Variants in ATP6V1C1 observed in about 807,000 individuals in gnomAD.
ATP6V1C1 encodes the protein V-type proton ATPase subunit C 1.
Under a neutral mutation model 53.9 loss-of-function variants are expected in ATP6V1C1, and 45 were observed. The observed-to-expected ratio is 0.83, with a 90% CI of 0.66 to 1.07. The LOEUF (loss-of-function observed/expected upper bound fraction) is 1.07, where lower values mean the gene tolerates loss of function less well. Ranked by LOEUF, ATP6V1C1 falls within the 50% of genes least tolerant of loss-of-function variation. The pLI, the probability that ATP6V1C1 is intolerant of heterozygous loss-of-function variation, is 0.00. For missense variants in ATP6V1C1, 315 were observed against 440.3 expected, an observed-to-expected ratio of 0.72 and a Z score of 2.55; for synonymous variants, 153 against 155.2, an observed-to-expected ratio of 0.99 and a Z score of 0.11.
intron 1 of ATP6V1C1, among the ~76,000 whole-genome samples, chr8:103,029,320 G>T (rs948456143): frequency 6.6e-6 from 1 of 151,106 alleles, no homozygotes; most frequent in Non-Finnish European, 1.5e-5. Context: ...ACCCAGGCTG[G>T]AGTGAGAGGC....
intron 1 of ATP6V1C1, among the ~76,000 whole-genome samples, chr8:103,038,394 C>A (rs1369137873): frequency 6.6e-6 from 1 of 152,112 alleles, no homozygotes; most frequent in Non-Finnish European, 1.5e-5. Flanking sequence ...GTCACAAGGC[C>A]AGCTCCACCT....
intron 1 of ATP6V1C1, among the ~76,000 whole-genome samples, chr8:103,032,718 T>A (rs981653246): frequency 3.3e-5 from 5 of 152,188 alleles, no homozygotes; most frequent in African/African-American, 1.2e-4. Flanking sequence ...CCTCAAGTGA[T>A]CCACCTGCCT....
intron 4 of ATP6V1C1, among the ~76,000 whole-genome samples, chr8:103,050,710 T>C (rs1403347170): frequency 1.4e-5 from 2 of 139,920 alleles, no homozygotes; most frequent in Non-Finnish European, 3.2e-5. Context: ...TTTATGAAAT[T>C]CTACTTATTG....
intron 10 of ATP6V1C1, among the ~76,000 whole-genome samples, chr8:103,063,828 T>A (rs1393028432): frequency 6.6e-6 from 1 of 152,162 alleles, no homozygotes; most frequent in Non-Finnish European, 1.5e-5. Flanking sequence ...GGAAACATAA[T>A]GAGTGAAAAT....
chr8:103,040,780 A>T lies in ATP6V1C1; in HGVS notation c.-39-18A>T. 8.3e-6 allele frequency: 13 copies of T among 1,560,816 alleles called. No homozygotes were observed. In the Admixed American group the frequency reaches 1.2e-4, roughly 14 times the overall value. ...AATGATTTTAAATGTGATTTTTTTTATTTGTTTTACATTTCAGAATCTCTC... is the reference window on the plus strand; with the variant it reads ...AATGATTTTAAATGTGATTTTTTTTTTTTGTTTTACATTTCAGAATCTCTC... On this transcript the variant is annotated intron_variant, in intron 1 of 12. Transcript: ENST00000518738.
At chr8:103,025,413 G>C (rs1442189282) in intron 1 of ATP6V1C1, among the ~76,000 whole-genome samples, 1 of 152,192 alleles carries the variant, frequency 6.6e-6, no homozygotes, top group Non-Finnish European at 1.5e-5. Flanking sequence ...CATGCATGTG[G>C]TGTCAGTTTA....
intron 1 of ATP6V1C1, among the ~76,000 whole-genome samples, chr8:103,026,519 G>C (rs113933406): frequency 2.0e-5 from 3 of 152,282 alleles, no homozygotes; most frequent in African/African-American, 7.2e-5. Context: ...ATTTAAGAAA[G>C]GCGGGGCTGG....
At chr8:103,048,310 A>G (rs1817141152) in intron 3 of ATP6V1C1, among the ~76,000 whole-genome samples, 1 of 152,188 alleles carries the variant, frequency 6.6e-6, no homozygotes. Flanking sequence ...CACCAACCTA[A>G]TAGTTTTGGC....
rs538853733 is a variant in ATP6V1C1, at chr8:103,062,302, C to T, written c.642-653C>T. Among the ~76,000 whole-genome samples, 7 of 150,826 alleles carry T rather than the reference C, an allele frequency of 4.6e-5. No homozygotes were observed. In the South Asian group the frequency reaches 1.5e-3, roughly 32 times the overall value. ...CCTCCCACCTCAGCCTCCCGAGTAG[C>T]TAGGACTACAGGCATGCACCATCAC... On this transcript the variant is annotated intron_variant, in intron 8 of 12. Coordinates refer to ENST00000518738, the MANE Select transcript of ATP6V1C1 (RefSeq NM_001695.5).
rs1817607100 is a variant in ATP6V1C1, at chr8:103,072,768, AG to A, written c.*4024del. On this transcript the variant is annotated 3_prime_UTR_variant, in exon 13 of 13. Transcript: ENST00000518738. The stretch of plus-strand genomic sequence containing the variant: ...TGAGCTGATGACTTGTGAGAGAAAA[AG>A]GGAACAGAGTAAAGCCATGGAAGCC... 2 of 152,366 alleles carry A rather than the reference AG, an allele frequency of 1.3e-5. No individual in the cohort carries two copies. The highest frequency in any genetic ancestry group is 1.3e-4 in the Admixed American group (2 of 15,308). 9.4% of individuals were successfully genotyped at this position (152,366 alleles called of 1,614,324 possible).
chr8:103,038,475 A>G (rs1461968632), intron 1 of ATP6V1C1, among the ~76,000 whole-genome samples: 1 of 152,206 alleles, frequency 6.6e-6, no homozygotes, highest in Non-Finnish European at 1.5e-5. Flanking sequence ...ATCTTTGAAG[A>G]CATATCCTGT....
rs764457315 is a variant in ATP6V1C1, at chr8:103,044,885, G to A, written c.200+2478G>A. Among the ~76,000 whole-genome samples the A allele has an allele frequency of 2.0e-5, 3 of 152,042 alleles. No homozygotes were observed. The East Asian group carries it at 5.8e-4, about 29-fold the overall frequency. ...GATGTTACTCCATTTATTTGAAGAT[G>A]GTTATGCTTTTGTCTTCAAAATTCA... On this transcript the variant is annotated intron_variant, in intron 3 of 12. Transcript: ENST00000518738.
At chr8:103,049,563 T>C (rs1221596393) in intron 4 of ATP6V1C1, among the ~76,000 whole-genome samples, 1 of 152,206 alleles carries the variant, frequency 6.6e-6, no homozygotes, top group East Asian at 1.9e-4. Context: ...GTACTTGCAT[T>C]TCTTGTTTTC....
intron 1 of ATP6V1C1, among the ~76,000 whole-genome samples, chr8:103,024,911 A>G (rs1158747317): frequency 6.6e-6 from 1 of 152,218 alleles, no homozygotes; most frequent in Non-Finnish European, 1.5e-5. Flanking sequence ...TGAGCCAGGT[A>G]GGCAGTGGAG....
intron 4 of ATP6V1C1, among the ~76,000 whole-genome samples, chr8:103,049,626 G>A (rs1817165420): frequency 4.6e-5 from 7 of 152,144 alleles, no homozygotes; most frequent in Admixed American, 4.6e-4. Flanking sequence ...CCCATCTCTA[G>A]TGATACGTTT....
At chr8:103,035,124 A>G (rs1343724358) in intron 1 of ATP6V1C1, among the ~76,000 whole-genome samples, 1 of 152,074 alleles carries the variant, frequency 6.6e-6, no homozygotes, top group Admixed American at 6.6e-5. Flanking sequence ...TCTTTATCAA[A>G]CCCTCTTTTT....
At chr8:103,035,245 T>C (rs1816873130) in intron 1 of ATP6V1C1, among the ~76,000 whole-genome samples, 1 of 150,406 alleles carries the variant, frequency 6.6e-6, no homozygotes, top group African/African-American at 2.4e-5. Context: ...TCTGGAAGAC[T>C]AAAAAACACT....
At position 103,062,937 on chromosome 8, in the gene ATP6V1C1, C is replaced by T. The variant is rs1209880426; in HGVS notation, c.642-18C>T. On this transcript the variant is annotated intron_variant, in intron 8 of 12. Coordinates refer to ENST00000518738, the MANE Select transcript of ATP6V1C1 (RefSeq NM_001695.5). The stretch of plus-strand genomic sequence containing the variant: ...CAATACGTATAAATCTTTAAATGGA[C>T]TTTTTTTTTTTCCATAGTGTTCTTT... 4 of 1,217,670 alleles carry T rather than the reference C, an allele frequency of 3.3e-6. No individual in the cohort carries two copies. Among genetic ancestry groups the T allele is most frequent in the Non-Finnish European group, 3.4e-6 (3 of 880,364 alleles). 75.4% of individuals were successfully genotyped at this position (1,217,670 alleles called of 1,614,324 possible). A position where few individuals can be genotyped will look rare whatever the true frequency, so the allele number is the denominator to read the frequency against.
intron 1 of ATP6V1C1, among the ~76,000 whole-genome samples, chr8:103,026,492 C>T (rs1165767104): frequency 1.3e-5 from 2 of 151,962 alleles, no homozygotes; most frequent in Non-Finnish European, 2.9e-5. Flanking sequence ...AAACAAAACA[C>T]GGAATATTTA....
Sources: gnomAD v4.1 joint callset for allele counts (sites outside exome capture counted in the v4.1 genomes callset) on GRCh38, gnomAD v4.1.1 for gene constraint, MANE v1.5 for transcripts, NCBI Gene and HGNC (gene_info 2026-07-23, HGNC 2026-07-21) for gene names.